The following CTNNA2 variants were observed in gnomAD, a reference collection of about 807,000 sequenced individuals.
CTNNA2 encodes catenin alpha 2, also known as catenin alpha-2.
In CTNNA2, 42 loss-of-function variants were observed where a neutral mutation model predicts 101.0. That is an observed-to-expected ratio of 0.42 (90% confidence interval 0.32 to 0.54). CTNNA2 has a LOEUF of 0.54. Ranked by LOEUF, CTNNA2 falls within the 20% of genes least tolerant of loss-of-function variation. The pLI, the probability that CTNNA2 is intolerant of heterozygous loss-of-function variation, is 0.14. For missense variants in CTNNA2, 871 were observed against 1,223.1 expected, an observed-to-expected ratio of 0.71 and a Z score of 4.29; for synonymous variants, 450 against 456.4, an observed-to-expected ratio of 0.99 and a Z score of 0.18.
At chr2:79,336,651 C>T (rs1055348008) in intron 3 of CTNNA2, among the ~76,000 whole-genome samples, 1 of 152,168 alleles carries the variant, frequency 6.6e-6, no homozygotes, top group African/African-American at 2.4e-5. Context: ...GCCCCATCTT[C>T]TCTCACCTAC....
intron 3 of CTNNA2, among the ~76,000 whole-genome samples, chr2:79,809,766 T>C (rs1676860718): frequency 6.6e-6 from 1 of 152,228 alleles, no homozygotes; most frequent in Non-Finnish European, 1.5e-5. Context: ...TTTCTTTTGC[T>C]ATGCAGAAGC....
chr2:79,847,212 G>A (rs901369306), intron 3 of CTNNA2, among the ~76,000 whole-genome samples: 5 of 152,090 alleles, frequency 3.3e-5, no homozygotes, highest in South Asian at 4.1e-4. Flanking sequence ...TCAGAAGAGC[G>A]TATCAAAGAC....
At chr2:80,409,885 G>C (rs1410276207) in intron 8 of CTNNA2, among the ~76,000 whole-genome samples, 4 of 152,186 alleles carry the variant, frequency 2.6e-5, no homozygotes, top group African/African-American at 9.6e-5. Context: ...AGGAATTTTT[G>C]AATTTCACAA....
At chr2:79,325,574 G>C (rs1676727955) in intron 3 of CTNNA2, among the ~76,000 whole-genome samples, 1 of 152,162 alleles carries the variant, frequency 6.6e-6, no homozygotes, top group South Asian at 2.1e-4. Context: ...AAAATGTATT[G>C]AATGCAGTGT....
At chr2:80,240,775 C>G (rs1393828299) in intron 7 of CTNNA2, among the ~76,000 whole-genome samples, 1 of 152,080 alleles carries the variant, frequency 6.6e-6, no homozygotes, top group African/African-American at 2.4e-5. Context: ...CAAGGTTCAA[C>G]CTGGGTTTTT....
intron 3 of CTNNA2, among the ~76,000 whole-genome samples, chr2:79,355,946 G>A (rs1677499461): frequency 6.6e-6 from 1 of 151,700 alleles, no homozygotes; most frequent in African/African-American, 2.4e-5. Flanking sequence ...TATTCCATAG[G>A]GTATATTTAG....
intron 2 of CTNNA2, among the ~76,000 whole-genome samples, chr2:79,699,015 G>A (rs935072767): frequency 6.6e-6 from 1 of 151,946 alleles, no homozygotes; most frequent in African/African-American, 2.4e-5. Context: ...AGGATTTTTG[G>A]TGAACTGATA....
chr2:79,443,274 G>C (rs1445018930), intron 4 of CTNNA2, among the ~76,000 whole-genome samples: 1 of 152,122 alleles, frequency 6.6e-6, no homozygotes, highest in East Asian at 1.9e-4. Context: ...TGAGAACCAT[G>C]GGAGTCTATG....
At chr2:79,764,719 C>T (rs535610922) in intron 3 of CTNNA2, among the ~76,000 whole-genome samples, 15 of 152,248 alleles carry the variant, frequency 9.9e-5, no homozygotes, top group Non-Finnish European at 1.9e-4. Context: ...GTGGCTTAGA[C>T]ACCTGTTTCC....
intron 7 of CTNNA2, among the ~76,000 whole-genome samples, chr2:80,046,008 T>C (rs1696497564): frequency 6.6e-6 from 1 of 152,226 alleles, no homozygotes; most frequent in African/African-American, 2.4e-5. Context: ...ATATTTGCTT[T>C]AAAGAGAGAT....
intron 9 of CTNNA2, among the ~76,000 whole-genome samples, chr2:80,447,461 T>A (rs1172714248): frequency 1.3e-5 from 2 of 152,198 alleles, no homozygotes; most frequent in East Asian, 1.9e-4. Flanking sequence ...GTGTTATTTC[T>A]CTTACTCTAG....
intron 3 of CTNNA2, among the ~76,000 whole-genome samples, chr2:79,766,278 A>AAGGATGTT (rs1013994822): frequency 4.2e-4 from 64 of 152,112 alleles, no homozygotes; most frequent in African/African-American, 1.5e-3. Flanking sequence ...TTTGTGCTTG[A>AAGGATGTT]AGGATGTTTT....
chr2:80,639,720 C>T (rs1387157892), intron 18 of CTNNA2, among the ~76,000 whole-genome samples: 1 of 152,124 alleles, frequency 6.6e-6, no homozygotes, highest in East Asian at 1.9e-4. Flanking sequence ...ATTAGCAACT[C>T]ATAATATGGT....
chr2:79,529,846 C>A (rs189207302), intron 1 of CTNNA2, among the ~76,000 whole-genome samples: 1 of 151,832 alleles, frequency 6.6e-6, no homozygotes, highest in Non-Finnish European at 1.5e-5. Flanking sequence ...GTTATGACGT[C>A]AACAAGAGAA....
At chr2:79,516,786 A>G (rs1372965415) in intron 1 of CTNNA2, among the ~76,000 whole-genome samples, 1 of 152,104 alleles carries the variant, frequency 6.6e-6, no homozygotes, top group Non-Finnish European at 1.5e-5. Context: ...GGAAAACTTG[A>G]CCTTTGCTGA....
intron 9 of CTNNA2, among the ~76,000 whole-genome samples, chr2:80,536,227 G>A (rs942153119): frequency 1.3e-5 from 2 of 152,112 alleles, no homozygotes; most frequent in South Asian, 2.1e-4. Context: ...GATGGAGACC[G>A]CAGCACTTTT....
At chr2:79,305,302 A>G (rs149097652) in intron 2 of CTNNA2, among the ~76,000 whole-genome samples, 385 of 149,020 alleles carry the variant, frequency 2.6e-3, no homozygotes, top group African/African-American at 8.8e-3. Context: ...GTGTATATAT[A>G]TACATATATA....
chr2:80,514,415 G>A (rs1357085432), intron 9 of CTNNA2, among the ~76,000 whole-genome samples: 2 of 152,152 alleles, frequency 1.3e-5, no homozygotes, highest in Non-Finnish European at 2.9e-5. Flanking sequence ...TGGGCCCCTT[G>A]CCTTGTCCTG....
chr2:79,392,318 G>T (rs570283198), intron 4 of CTNNA2, among the ~76,000 whole-genome samples: 1 of 152,124 alleles, frequency 6.6e-6, no homozygotes, highest in African/African-American at 2.4e-5. Flanking sequence ...TTGGGGTGAG[G>T]TTCAAAACCG....
Sources: gnomAD v4.1 joint callset for allele counts (sites outside exome capture counted in the v4.1 genomes callset) on GRCh38, gnomAD v4.1.1 for gene constraint, MANE v1.5 for transcripts, NCBI Gene and HGNC (gene_info 2026-07-23, HGNC 2026-07-21) for gene names.